Variants in SLC12A2 observed in about 807,000 individuals in gnomAD.
The protein encoded by SLC12A2 is Na-K-2Cl cotransporter 1.
Under a neutral mutation model 136.3 loss-of-function variants are expected in SLC12A2, and 67 were observed. That is an observed-to-expected ratio of 0.49 (90% CI 0.40 to 0.60). The LOEUF is 0.60. Ranked by LOEUF, SLC12A2 falls within the 20% of genes least tolerant of loss-of-function variation. The pLI, the probability that SLC12A2 is intolerant of heterozygous loss-of-function variation, is 0.00. For missense variants in SLC12A2, 1,322 were observed against 1,534.7 expected, an observed-to-expected ratio of 0.86 and a Z score of 2.32; for synonymous variants, 619 against 562.9, an observed-to-expected ratio of 1.10 and a Z score of -1.41.
intron 10 of SLC12A2, among the ~76,000 whole-genome samples, chr5:128,145,405 G>T (rs944500166): frequency 6.6e-6 from 1 of 152,006 alleles, no homozygotes; most frequent in Non-Finnish European, 1.5e-5. Context: ...CAGAAATTGG[G>T]TTTATTCATT....
At chr5:128,186,400 T>C (rs975315430) in intron 26 of SLC12A2, 96 bp from the exon 27 acceptor site, 2 of 1,180,360 alleles carry the variant, frequency 1.7e-6, no homozygotes, top group Middle Eastern at 2.4e-4. Flanking sequence ...TTACAGTAAC[T>C]GTTATTGTAA....
At chr5:128,162,070 C>G (rs1459988172) in intron 17 of SLC12A2, among the ~76,000 whole-genome samples, 2 of 152,072 alleles carry the variant, frequency 1.3e-5, no homozygotes, top group Non-Finnish European at 2.9e-5. Context: ...AATTGTGGAG[C>G]TACTTTGTTA....
At position 128,188,370 on chromosome 5, in the gene SLC12A2, C is replaced by T. The variant is rs1763934204; in HGVS notation, c.*1739C>T. On this transcript the variant is annotated 3_prime_UTR_variant, in exon 27 of 27. Coordinates refer to ENST00000262461, the MANE Select transcript of SLC12A2 (RefSeq NM_001046.3). ...AATGCAGTAACGTGATCTTGGCTCACTGCGACCTCCACCTCCCCAGTTCAA... is the reference window on the plus strand; with the variant it reads ...AATGCAGTAACGTGATCTTGGCTCATTGCGACCTCCACCTCCCCAGTTCAA... 7.1e-6 allele frequency: 1 copy of T among 140,440 alleles called. No homozygotes were observed. Among genetic ancestry groups the T allele is most frequent in the Non-Finnish European group, 1.5e-5 (1 of 66,364 alleles). 8.7% of individuals were successfully genotyped at this position (140,440 alleles called of 1,614,324 possible).
intron 4 of SLC12A2, among the ~76,000 whole-genome samples, chr5:128,117,150 G>GA (rs1342567108): frequency 6.6e-6 from 1 of 152,228 alleles, no homozygotes; most frequent in Non-Finnish European, 1.5e-5. Context: ...GGACTTTAGA[G>GA]AAAAAATTGA....
intron 1 of SLC12A2, among the ~76,000 whole-genome samples, chr5:128,088,026 T>TGTGTGC (rs762545193): frequency 2.0e-5 from 3 of 151,406 alleles, no homozygotes; most frequent in Non-Finnish European, 4.4e-5. Context: ...TGTGTGTGTG[T>TGTGTGC]GTGTGTGTGT....
chr5:128,090,741 G>A (rs1403202632), intron 1 of SLC12A2, among the ~76,000 whole-genome samples: 1 of 152,176 alleles, frequency 6.6e-6, no homozygotes. Flanking sequence ...AGATACCAGG[G>A]AAAGAACACT....
In SLC12A2 at chr5:128,148,756, T is replaced by G. The variant is rs1293717636; in HGVS notation, c.1884T>G (p.Ala628=). Residue 628 remains alanine (A), a splice_region_variant and synonymous_variant, in exon 12 of 27, where the codon GCT becomes GCG. Transcript: ENST00000262461. The part of the protein sequence containing the change: ...SLVSAPKIFQ[A]LCKDNIYPAF... ...ATTTTAATGTTTTCTTTCATTAGGC[T>G]CTATGTAAGGACAACATCTACCCAG... The G allele has an allele frequency of 6.3e-7, 1 of 1,584,264 alleles. No individual in the cohort carries two copies. Among genetic ancestry groups the G allele is most frequent in the Non-Finnish European group, 8.5e-7 (1 of 1,170,264 alleles).
chr5:128,152,394 C>T (rs1762733381), intron 14 of SLC12A2, among the ~76,000 whole-genome samples: 1 of 152,042 alleles, frequency 6.6e-6, no homozygotes, highest in Admixed American at 6.6e-5. Context: ...CCATTTAGAC[C>T]TTTGGCTATA....
intron 1 of SLC12A2, among the ~76,000 whole-genome samples, chr5:128,105,677 A>G (rs967697208): frequency 2.6e-5 from 4 of 152,204 alleles, no homozygotes; most frequent in African/African-American, 7.2e-5. Context: ...AAATTTGAAT[A>G]TACTAGGGAA....
intron 9 of SLC12A2, 84 bp from the exon 10 acceptor site, chr5:128,141,746 C>CTAAA (rs1432241912): frequency 8.5e-7 from 1 of 1,174,264 alleles, no homozygotes; most frequent in Non-Finnish European, 1.2e-6. Context: ...ACTTTGGTTT[C>CTAAA]TTTATAAATA....
Position 128,183,112 on chromosome 5 carries a change from T to A in SLC12A2, c.3299+171T>A, listed in dbSNP as rs368099180. On this transcript the variant is annotated intron_variant, in intron 24 of 26. Coordinates refer to ENST00000262461, the MANE Select transcript of SLC12A2 (RefSeq NM_001046.3). ...TGCATATATCAGATATTAAAGAAAG[T>A]CTAAAGAGTTTTCAATATTCAGAGA... Among the ~76,000 whole-genome samples, 156 of 152,190 alleles carry A rather than the reference T, an allele frequency of 1.0e-3. 5 individuals carry two copies. The South Asian group carries it at 0.03, about 30-fold the overall frequency.
intron 22 of SLC12A2, 28 bp downstream of exon 22, chr5:128,178,717 TTTTAAA>T (rs1763609626): frequency 6.7e-7 from 1 of 1,502,552 alleles, no homozygotes; most frequent in African/African-American, 1.4e-5. Context: ...TTTAAAATGA[TTTTAAA>T]TTTACTGACA....
At position 128,174,597 on chromosome 5, in the gene SLC12A2, G is replaced by A; in HGVS notation, c.2860G>A (p.Val954Met). 1 of 1,609,126 alleles carries A rather than the reference G, an allele frequency of 6.2e-7. No homozygotes were observed. The highest frequency in any genetic ancestry group is 8.5e-7 in the Non-Finnish European group (1 of 1,176,886). ...TGGCACCAAGGATGTGGTAGTAAGT[G>A]TGGAATATAGTAAAAAGTCCGATTT... is the stretch of plus-strand genomic sequence containing the variant. ...SPGTKDVVVS[V>M]EYSKKSDLDT... is the part of the protein sequence containing the mutation. The change falls in exon 20 of 27, where the codon GTG (valine) becomes ATG (methionine). Residue 954 changes from valine to methionine, a missense_variant. Val to Met is a conservative substitution (Grantham distance 21). This residue lies in a region of SLC12A2 where 226 missense variants were observed against 210.4 expected (regional missense o/e 1.07). Transcript: ENST00000262461.
At chr5:128,141,759 T>A in intron 9 of SLC12A2, 71 bp from the exon 10 acceptor site, 1 of 1,294,592 alleles carries the variant, frequency 7.7e-7, no homozygotes, top group Admixed American at 2.2e-5. Flanking sequence ...TATAAATATA[T>A]ATATGTATAT....
chr5:128,110,717 C>T (rs1033107842), intron 1 of SLC12A2: 6 of 1,446,308 alleles, frequency 4.1e-6, no homozygotes, highest in Non-Finnish European at 5.8e-6. Flanking sequence ...CACTACATTC[C>T]AGTGAAGAGC....
In SLC12A2 at chr5:128,172,402, GGTTGTGTA is replaced by G. The variant is rs1763405020; in HGVS notation, c.2803+664_2803+671del. Among the ~76,000 whole-genome samples the G allele has an allele frequency of 4.6e-5, 7 of 152,024 alleles. No individual in the cohort carries two copies. In the South Asian group the frequency reaches 1.5e-3, roughly 32 times the overall value. Reference sequence around the variant, plus strand: ...CAGCAGTTTACAAAGACTTGTATGTGGTTGTGTAGTTGTGTGCCACTTATGTGTTCATT... The same window carrying G: ...CAGCAGTTTACAAAGACTTGTATGTGGTTGTGTGCCACTTATGTGTTCATT... On this transcript the variant is annotated intron_variant, in intron 19 of 26. Coordinates refer to ENST00000262461, the MANE Select transcript of SLC12A2 (RefSeq NM_001046.3).
intron 5 of SLC12A2, among the ~76,000 whole-genome samples, chr5:128,132,837 A>G (rs965931839): frequency 6.6e-6 from 1 of 152,140 alleles, no homozygotes; most frequent in African/African-American, 2.4e-5. Context: ...GTATATTTTT[A>G]TTTGATAGTC....
In SLC12A2 at chr5:128,148,791, T is replaced by C; in HGVS notation, c.1919T>C (p.Met640Thr). 1.2e-6 allele frequency: 2 copies of C among 1,607,110 alleles called. No individual in the cohort carries two copies. The highest frequency in any genetic ancestry group is 1.7e-6 in the Non-Finnish European group (2 of 1,176,538). Reference sequence around the variant, plus strand: ...GACAACATCTACCCAGCTTTCCAGATGTTTGCTAAAGGTTATGGGAAAAAT... The same window carrying C: ...GACAACATCTACCCAGCTTTCCAGACGTTTGCTAAAGGTTATGGGAAAAAT... ...CKDNIYPAFQ[M>T]FAKGYGKNNE... is the part of the protein sequence containing the mutation. The change falls in exon 12 of 27, where the codon ATG (methionine) becomes ACG (threonine). Residue 640 changes from methionine (M) to threonine (T), a missense_variant. By Grantham distance (81) the Met-to-Thr change is moderately conservative. Transcript: ENST00000262461.
At chr5:128,126,129 A>G (rs1761784429) in intron 4 of SLC12A2, among the ~76,000 whole-genome samples, 1 of 152,124 alleles carries the variant, frequency 6.6e-6, no homozygotes, top group Admixed American at 6.5e-5. Flanking sequence ...CTAGATCTTT[A>G]GCATTTTCAT....
Sources: gnomAD v4.1 joint callset for allele counts (sites outside exome capture counted in the v4.1 genomes callset) on GRCh38, gnomAD v4.1.1 for gene constraint, gnomAD v4.1.1 regional missense constraint, MANE v1.5 for transcripts, NCBI Gene and HGNC (gene_info 2026-07-23, HGNC 2026-07-21) for gene names.